The following ISCU variants were observed in gnomAD, a reference collection of about 807,000 sequenced individuals.
ISCU encodes the protein iron-sulfur cluster assembly enzyme, also known as iron-sulfur cluster assembly enzyme ISCU.
A neutral mutation model predicts 18.4 loss-of-function variants in ISCU; 13 were observed. That is an observed-to-expected ratio of 0.71 (90% CI 0.46 to 1.12). ISCU has a LOEUF of 1.12. Ranked by LOEUF, ISCU falls within the 50% of genes most tolerant of loss-of-function variation. The pLI, the probability that ISCU is intolerant of heterozygous loss-of-function variation, is 0.00. For synonymous variants in ISCU, 104 were observed against 87.5 expected (o/e 1.19, Z -1.06); for missense variants, 229 against 208.7 (o/e 1.10, Z -0.60).
intron 4 of ISCU, 44 bp downstream of exon 4, chr12:108,567,312 G>A: frequency 6.6e-7 from 1 of 1,506,994 alleles, no homozygotes; most frequent in Non-Finnish European, 9.2e-7. Flanking sequence ...ACATTTGGCA[G>A]TAATTTCAAC....
Position 108,562,622 on chromosome 12 carries a change from G to C in ISCU, c.-1G>C. 2 of 1,465,288 alleles carry C rather than the reference G, an allele frequency of 1.4e-6. No individual in the cohort carries two copies. The highest frequency in any genetic ancestry group is 1.8e-6 in the Non-Finnish European group (2 of 1,113,428). The allele number at this position is 1,465,288 out of a possible 1,614,324, so 90.8% of individuals were successfully genotyped here. ...GACTGGCGCAGGCGCAAGCCGGCAAGATGGCGGCGGCTGGGGCTTTCCGTC... is the reference window on the plus strand; with the variant it reads ...GACTGGCGCAGGCGCAAGCCGGCAACATGGCGGCGGCTGGGGCTTTCCGTC... On this transcript the variant is annotated 5_prime_UTR_variant, in exon 1 of 5. Transcript: ENST00000311893.
intron 2 of ISCU, chr12:108,565,062 G>A (rs575809088): frequency 1.1e-5 from 6 of 530,948 alleles, no homozygotes; most frequent in East Asian, 3.2e-5. Context: ...GCAGGCCAGA[G>A]TCACAAAACA....
intron 2 of ISCU, 191 bp from the exon 3 acceptor site, chr12:108,565,130 G>T (rs2030828671): frequency 6.6e-6 from 4 of 607,350 alleles, no homozygotes; most frequent in Non-Finnish European, 1.2e-5. Context: ...GTTGGGCCTG[G>T]ATAGTTGTCC....
intron 3 of ISCU, among the ~76,000 whole-genome samples, chr12:108,566,617 G>A (rs2030909843): frequency 6.6e-6 from 1 of 152,194 alleles, no homozygotes; most frequent in African/African-American, 2.4e-5. Flanking sequence ...TTATCCCCCA[G>A]GGCTGTCAAC....
chr12:108,566,054 T>C (rs1482279808), intron 3 of ISCU, among the ~76,000 whole-genome samples: 3 of 152,248 alleles, frequency 2.0e-5, no homozygotes, highest in Non-Finnish European at 2.9e-5. Context: ...AGCTGGACTT[T>C]CTAAAATCCA....
chr12:108,562,383 A>G (rs1337386996), upstream of ISCU, among the ~76,000 whole-genome samples: 3 of 152,216 alleles, frequency 2.0e-5, no homozygotes, highest in South Asian at 2.1e-4. Context: ...TGTCTCAACC[A>G]GAATCCAGCA....
Position 108,564,325 on chromosome 12 carries a change from A to T in ISCU, c.161A>T (p.Lys54Met). 6.2e-7 allele frequency: 1 copy of T among 1,614,242 alleles called. No homozygotes were observed. The highest frequency in any genetic ancestry group is 8.5e-7 in the Non-Finnish European group (1 of 1,180,042). Residue 54 changes from lysine to methionine, a missense_variant, in exon 2 of 5, where the codon AAG becomes ATG. Physicochemically the swap from Lys to Met is moderately conservative, Grantham distance 95 (BLOSUM62 -1). Transcript: ENST00000311893. ...CCTAGAAACGTGGGGTCCCTTGACA[A>T]GACATCTAAAAATGTTGGAACTGGA... ...ENPRNVGSLD[K>M]TSKNVGTGLV...
intron 4 of ISCU, chr12:108,568,367 C>G (rs2030998098): frequency 9.1e-7 from 1 of 1,095,328 alleles, no homozygotes; most frequent in African/African-American, 1.6e-5. Context: ...CAAATGCCAT[C>G]CCATCAACAG....
upstream of ISCU, among the ~76,000 whole-genome samples, chr12:108,562,229 C>G (rs4964726): frequency 0.74 from 112,781 of 152,174 alleles, 43,695 homozygotes; most frequent in East Asian, 0.92. Context: ...CTTGGACGGA[C>G]TTACTAAACT....
Position 108,568,965 on chromosome 12 carries a change from C to G in ISCU, c.*49C>G. On this transcript the variant is annotated 3_prime_UTR_variant, in exon 5 of 5. Coordinates refer to ENST00000311893, the MANE Select transcript of ISCU (RefSeq NM_213595.4). ...GCAGGCCACACCAGCTGTTTCCCAC[C>G]TGCTGTGCAGTCACCTTAGATGTTC... is the stretch of plus-strand genomic sequence containing the variant. The G allele has an allele frequency of 6.6e-7, 1 of 1,505,704 alleles. No individual in the cohort carries two copies. Among genetic ancestry groups the G allele is most frequent in the Non-Finnish European group, 9.1e-7 (1 of 1,094,074 alleles). 93.3% of individuals were successfully genotyped at this position (1,505,704 alleles called of 1,614,324 possible). A position where few individuals can be genotyped will look rare whatever the true frequency, so the allele number is the denominator to read the frequency against.
intron 4 of ISCU, chr12:108,568,054 A>G (rs2030984601): frequency 2.0e-6 from 3 of 1,477,866 alleles, no homozygotes; most frequent in Admixed American, 2.4e-5. Context: ...GCCGGGGCAG[A>G]CACACTAACT....
intron 3 of ISCU, 44 bp from the exon 4 acceptor site, chr12:108,567,146 T>TAC: frequency 1.4e-6 from 2 of 1,419,806 alleles, no homozygotes; most frequent in South Asian, 2.3e-5. Context: ...CCTCACAAGA[T>TAC]AAAGTGTTGC....
At chr12:108,566,588 A>G (rs1258762664) in intron 3 of ISCU, among the ~76,000 whole-genome samples, 1 of 152,192 alleles carries the variant, frequency 6.6e-6, no homozygotes, top group Non-Finnish European at 1.5e-5. Flanking sequence ...TACATGGGCA[A>G]GGATCTGCCT....
rs745757437 is a variant in ISCU, at chr12:108,562,597, G to A, written c.-26G>A. On this transcript the variant is annotated 5_prime_UTR_variant, in exon 1 of 5. Coordinates refer to ENST00000311893, the MANE Select transcript of ISCU (RefSeq NM_213595.4). ...CGCCCCGCCCCTCGGCGTCGCTCTG[G>A]ACTGGCGCAGGCGCAAGCCGGCAAG... is the stretch of plus-strand genomic sequence containing the variant. 3 of 1,366,742 alleles carry A rather than the reference G, an allele frequency of 2.2e-6. No homozygotes were observed. The highest frequency in any genetic ancestry group is 2.9e-6 in the Non-Finnish European group (3 of 1,042,114). The allele number at this position is 1,366,742 out of a possible 1,614,324, so 84.7% of individuals were successfully genotyped here.
intron 1 of ISCU, chr12:108,563,692 C>A: frequency 3.1e-6 from 1 of 323,706 alleles, no homozygotes; most frequent in Non-Finnish European, 6.0e-6. Context: ...GAGGGTACAC[C>A]CTGAAGAAAC....
chr12:108,562,575 C>G, upstream of ISCU: 1 of 1,134,626 alleles, frequency 8.8e-7, no homozygotes, highest in Non-Finnish European at 1.2e-6. Context: ...GCAGACGCGC[C>G]CCGCCCCTCG....
chr12:108,564,430 C>A, intron 2 of ISCU, 38 bp downstream of exon 2: 1 of 1,394,060 alleles, frequency 7.2e-7, no homozygotes, highest in Non-Finnish European at 1.0e-6. Context: ...AACAATAATC[C>A]CTTTAAGTTT....
upstream of ISCU, chr12:108,562,577 C>A (rs753080891): frequency 8.8e-7 from 1 of 1,142,396 alleles, no homozygotes; most frequent in South Asian, 2.1e-5. Context: ...AGACGCGCCC[C>A]GCCCCTCGGC....
At chr12:108,561,834 T>TA (rs1222328845), upstream of ISCU, among the ~76,000 whole-genome samples, 2 of 151,562 alleles carry the variant, frequency 1.3e-5, no homozygotes, top group African/African-American at 4.9e-5. Flanking sequence ...GAGAGAAAAA[T>TA]AGACATATTC....
Sources: allele counts gnomAD v4.1 joint callset (sites outside exome capture counted in the v4.1 genomes callset), GRCh38; gene constraint gnomAD v4.1.1; transcripts MANE v1.5; gene names NCBI Gene and HGNC (gene_info 2026-07-23, HGNC 2026-07-21).